Variants in NUDT2 observed in about 807,000 individuals in gnomAD.
NUDT2 encodes nudix hydrolase 2.
In NUDT2, 12 loss-of-function variants were observed where a neutral mutation model predicts 14.2. That is an observed-to-expected ratio of 0.84 (90% CI 0.54 to 1.37). The LOEUF (loss-of-function observed/expected upper bound fraction) is 1.37. Among genes scored for constraint, NUDT2 ranks in the 40% most tolerant of loss-of-function variants. The pLI, the probability that NUDT2 is intolerant of heterozygous loss-of-function variation, is 0.00. For synonymous variants in NUDT2, 67 were observed against 67.4 expected (o/e 0.99, Z 0.03); for missense variants, 167 against 176.7 (o/e 0.95, Z 0.31).
At chr9:34,338,327 T>TGAAAAAA in intron 2 of NUDT2, among the ~76,000 whole-genome samples, 1 of 33,736 alleles carries the variant, frequency 3.0e-5, no homozygotes, top group Non-Finnish European at 4.6e-5. Context: ...ACCCTGTCTC[T>TGAAAAAA]AAAAAAAAAA....
intron 1 of NUDT2, among the ~76,000 whole-genome samples, chr9:34,330,948 G>A (rs979091882): frequency 6.6e-6 from 1 of 151,706 alleles, no homozygotes; most frequent in Non-Finnish European, 1.5e-5. Flanking sequence ...GCGACAGAGG[G>A]AGACTCCGTC....
At chr9:34,339,767 C>T (rs1041992907) in intron 4 of NUDT2, among the ~76,000 whole-genome samples, 2 of 151,888 alleles carry the variant, frequency 1.3e-5, no homozygotes, top group African/African-American at 4.8e-5. Context: ...AACTTGAGCT[C>T]GAGAGATCAA....
At chr9:34,342,385 G>A (rs1369471219) in intron 4 of NUDT2, among the ~76,000 whole-genome samples, 8 of 152,104 alleles carry the variant, frequency 5.3e-5, no homozygotes, top group Admixed American at 6.6e-5. Context: ...GTACTTCCTC[G>A]TCAGCTAACT....
At chr9:34,333,337 G>A (rs887236651) in intron 1 of NUDT2, among the ~76,000 whole-genome samples, 3 of 152,050 alleles carry the variant, frequency 2.0e-5, no homozygotes, top group Non-Finnish European at 4.4e-5. Context: ...TAAAGACTGG[G>A]AATTTGGGGC....
Position 34,343,247 on chromosome 9 carries a change from C to T in NUDT2, c.251C>T (p.Ala84Val). 6.2e-7 allele frequency: 1 copy of T among 1,613,974 alleles called. No individual in the cohort carries two copies. The highest frequency in any genetic ancestry group is 8.5e-7 in the Non-Finnish European group (1 of 1,180,010). ...TTCAAAAGGGAACTCAATTATGTGG[C>T]CAGGAACAAGCCTAAAACAGTCATT... The part of the protein sequence containing the change: ...EGFKRELNYV[A>V]RNKPKTVIYW... The change falls in exon 5 of 5, where the codon GCC (alanine) becomes GTC (valine). Residue 84 changes from alanine (A) to valine (V), a missense_variant. Transcript: ENST00000379158.
intron 1 of NUDT2, among the ~76,000 whole-genome samples, chr9:34,333,426 A>G (rs193101464): frequency 1.3e-5 from 2 of 152,192 alleles, no homozygotes; most frequent in African/African-American, 4.8e-5. Flanking sequence ...CAGGAGTTCA[A>G]GACTAGCTTG....
intron 1 of NUDT2, among the ~76,000 whole-genome samples, chr9:34,333,127 A>C (rs958691689): frequency 6.6e-6 from 1 of 152,126 alleles, no homozygotes; most frequent in African/African-American, 2.4e-5. Flanking sequence ...TTAGGTTCCT[A>C]CTTCCCAGAA....
chr9:34,331,415 A>G (rs1047660355), intron 1 of NUDT2, among the ~76,000 whole-genome samples: 3 of 152,228 alleles, frequency 2.0e-5, no homozygotes, highest in Admixed American at 2.0e-4. Flanking sequence ...GAAGTTAAGT[A>G]TCTTGCTCTA....
At chr9:34,343,002 C>T in intron 4 of NUDT2, 122 bp from the exon 5 acceptor site, 4 of 860,478 alleles carry the variant, frequency 4.6e-6, no homozygotes, top group African/African-American at 1.7e-5. Context: ...CTGGCCTGGG[C>T]AACAGAGTGA....
chr9:34,343,055 C>G, intron 4 of NUDT2, 69 bp from the exon 5 acceptor site: 1 of 1,422,996 alleles, frequency 7.0e-7, no homozygotes, highest in East Asian at 2.3e-5. Context: ...AAAATCTTGT[C>G]TGGAAAATCC....
Position 34,343,339 on chromosome 9 carries a change from C to T in NUDT2, c.343C>T (p.Arg115Cys), listed in dbSNP as rs143347739. 260 of 1,613,804 alleles carry T rather than the reference C, an allele frequency of 1.6e-4. No individual in the cohort carries two copies. The African/African-American group carries it at 2.8e-3, about 17-fold the overall frequency. ...IRLSHEHQAYRWLGLEEACQL... is the reference protein window; with the variant it reads ...IRLSHEHQAYCWLGLEEACQL... Reference sequence around the variant, plus strand: ...CCTCTCCCATGAGCACCAAGCCTACCGCTGGCTGGGGCTGGAGGAGGCCTG... The same window carrying T: ...CCTCTCCCATGAGCACCAAGCCTACTGCTGGCTGGGGCTGGAGGAGGCCTG... Residue 115 changes from arginine to cysteine, a missense_variant, in exon 5 of 5, where the codon CGC becomes TGC. Physicochemically the swap from Arg to Cys is radical, Grantham distance 180. Transcript: ENST00000379158.
chr9:34,337,121 T>G (rs551941410), intron 2 of NUDT2, among the ~76,000 whole-genome samples: 124 of 149,080 alleles, frequency 8.3e-4, no homozygotes, highest in Non-Finnish European at 1.4e-3. Flanking sequence ...TGCCTCAGCC[T>G]CCCAAGTAGC....
chr9:34,330,735 G>A (rs1416810713), intron 1 of NUDT2, among the ~76,000 whole-genome samples: 1 of 152,158 alleles, frequency 6.6e-6, no homozygotes, highest in East Asian at 1.9e-4. Flanking sequence ...GCCGAGGCGG[G>A]CGGATCACGA....
chr9:34,342,105 C>G (rs1820205533), intron 4 of NUDT2, among the ~76,000 whole-genome samples: 1 of 152,206 alleles, frequency 6.6e-6, no homozygotes, highest in South Asian at 2.1e-4. Flanking sequence ...AGTTTCTTGG[C>G]AGCTGTCTTC....
chr9:34,343,504 C>T lies in NUDT2; in HGVS notation c.*64C>T, dbSNP rs1271290350. ...TGTGGGCCTTCTAAGATGAAGCCAC[C>T]CTCAGGTCCAGGGAAGGTTGTGCTG... On this transcript the variant is annotated 3_prime_UTR_variant, in exon 5 of 5. Coordinates refer to ENST00000379158, the MANE Select transcript of NUDT2 (RefSeq NM_001161.5). The T allele has an allele frequency of 1.4e-5, 19 of 1,395,072 alleles. No individual in the cohort carries two copies. Among genetic ancestry groups the T allele is most frequent in the Non-Finnish European group, 1.8e-5 (19 of 1,040,068 alleles). The allele number at this position is 1,395,072 out of a possible 1,614,324, so 86.4% of individuals were successfully genotyped here. A position where few individuals can be genotyped will look rare whatever the true frequency, so the allele number is the denominator to read the frequency against.
chr9:34,334,508 G>A (rs1346291296), intron 1 of NUDT2, among the ~76,000 whole-genome samples: 2 of 152,158 alleles, frequency 1.3e-5, no homozygotes, highest in Non-Finnish European at 2.9e-5. Context: ...TCAAACCCAT[G>A]AACAGTTTCA....
chr9:34,331,410 T>TA (rs1470393838), intron 1 of NUDT2, among the ~76,000 whole-genome samples: 2 of 152,234 alleles, frequency 1.3e-5, no homozygotes, highest in Admixed American at 1.3e-4. Flanking sequence ...ATGAGGAAGT[T>TA]AAGTATCTTG....
chr9:34,343,544 A>G lies in NUDT2; in HGVS notation c.*104A>G. The G allele has an allele frequency of 2.8e-6, 3 of 1,073,290 alleles. No individual in the cohort carries two copies. The highest frequency in any genetic ancestry group is 3.9e-6 in the Non-Finnish European group (3 of 770,828). The allele number at this position is 1,073,290 out of a possible 1,614,324, so 66.5% of individuals were successfully genotyped here. A position where few individuals can be genotyped will look rare whatever the true frequency, so the allele number is the denominator to read the frequency against. On this transcript the variant is annotated 3_prime_UTR_variant, in exon 5 of 5. Coordinates refer to ENST00000379158, the MANE Select transcript of NUDT2 (RefSeq NM_001161.5). Reference sequence around the variant, plus strand: ...AGGTTGTGCTGGTATTTGGCTCATGACAGCCAAGAGCAGATTTGTGAAATC... The same window carrying G: ...AGGTTGTGCTGGTATTTGGCTCATGGCAGCCAAGAGCAGATTTGTGAAATC...
At chr9:34,340,949 T>C (rs1359233936) in intron 4 of NUDT2, among the ~76,000 whole-genome samples, 1 of 152,130 alleles carries the variant, frequency 6.6e-6, no homozygotes, top group Non-Finnish European at 1.5e-5. Context: ...AGTGCTGGGA[T>C]TATAGGCATG....
Sources: gnomAD v4.1 joint callset for allele counts (sites outside exome capture counted in the v4.1 genomes callset) on GRCh38, gnomAD v4.1.1 for gene constraint, MANE v1.5 for transcripts, NCBI Gene and HGNC (gene_info 2026-07-23, HGNC 2026-07-21) for gene names.